Variants in SFI1 observed in about 807,000 individuals in gnomAD.
The protein encoded by SFI1 is SFI1 centrin binding protein, also known as protein SFI1 homolog.
In SFI1, 195 loss-of-function variants were observed where a neutral mutation model predicts 207.5. The observed-to-expected ratio is 0.94, with a 90% CI of 0.84 to 1.06. The LOEUF is 1.06. Among genes scored for constraint, SFI1 ranks in the 50% least tolerant of loss-of-function variants. SFI1 has a pLI of 0.00. For missense variants in SFI1, 1,634 were observed against 1,588.0 expected, an observed-to-expected ratio of 1.03 and a Z score of -0.49; for synonymous variants, 630 against 598.9, an observed-to-expected ratio of 1.05 and a Z score of -0.76.
Position 31,613,385 on chromosome 22 carries a change from A to G in SFI1, c.2597A>G (p.Glu866Gly), listed in dbSNP as rs764353388. The G allele has an allele frequency of 9.3e-6, 15 of 1,611,466 alleles. No individual in the cohort carries two copies. The highest frequency in any genetic ancestry group is 2.5e-6 in the Non-Finnish European group (3 of 1,179,538). Residue 866 changes from glutamate (E) to glycine (G), a missense_variant, in exon 26 of 33, where the codon GAA (glutamate) becomes GGA (glycine). By Grantham distance (98) the Glu-to-Gly change is moderately conservative. Coordinates refer to ENST00000400288, the MANE Select transcript of SFI1 (RefSeq NM_001007467.3). Reference protein sequence around the residue: ...VWATWLAFVLERRRKKARLQW... With the variant: ...VWATWLAFVLGRRRKKARLQW... ...GCCACGTGGCTGGCCTTTGTACTGGAAAGGAGGAGAAAGAAGGCGCGGCTG... is the reference window on the plus strand; with the variant it reads ...GCCACGTGGCTGGCCTTTGTACTGGGAAGGAGGAGAAAGAAGGCGCGGCTG...
At chr22:31,506,141 G>A (rs1177255099) in intron 1 of SFI1, among the ~76,000 whole-genome samples, 2 of 144,846 alleles carry the variant, frequency 1.4e-5, no homozygotes, top group Non-Finnish European at 1.5e-5. Context: ...CCTGCCTCAC[G>A]GGTTCAAGTG....
intron 4 of SFI1, among the ~76,000 whole-genome samples, chr22:31,535,259 G>A (rs1023127472): frequency 2.0e-5 from 3 of 148,436 alleles, no homozygotes; most frequent in African/African-American, 7.5e-5. Flanking sequence ...ACGCGATCTC[G>A]GCTCACTGTA....
intron 5 of SFI1, among the ~76,000 whole-genome samples, chr22:31,549,830 CTTTT>C (rs555982116): frequency 1.5e-5 from 2 of 136,304 alleles, no homozygotes; most frequent in East Asian, 4.3e-4. Context: ...GCAGATATGG[CTTTT>C]TTTTTTTTTT....
At chr22:31,500,974 A>G (rs2053665856) in intron 1 of SFI1, among the ~76,000 whole-genome samples, 3 of 144,516 alleles carry the variant, frequency 2.1e-5, no homozygotes, top group Admixed American at 1.4e-4. Flanking sequence ...TAATTTTTGT[A>G]TTTTTAGTAG....
intron 4 of SFI1, among the ~76,000 whole-genome samples, chr22:31,537,322 G>A (rs1164851326): frequency 6.6e-6 from 1 of 152,148 alleles, no homozygotes; most frequent in African/African-American, 2.4e-5. Context: ...TGCCTCATTG[G>A]CCAGAGCTTT....
At chr22:31,594,010 G>GGGC (rs1446565868) in intron 15 of SFI1, among the ~76,000 whole-genome samples, 1 of 145,756 alleles carries the variant, frequency 6.9e-6, no homozygotes, top group East Asian at 2.0e-4. Flanking sequence ...GAGGGACAGG[G>GGGC]AGAGGGAGAG....
At chr22:31,546,759 G>T (rs576434914) in intron 4 of SFI1, 102 bp from the exon 5 acceptor site, 6 of 654,722 alleles carry the variant, frequency 9.2e-6, no homozygotes, top group East Asian at 4.1e-5. Context: ...GAGCCACCAC[G>T]CCCGGCTGTA....
intron 2 of SFI1, among the ~76,000 whole-genome samples, chr22:31,518,375 C>T (rs1035881154): frequency 1.2e-4 from 19 of 152,210 alleles, no homozygotes; most frequent in Admixed American, 9.8e-4. Context: ...GTACTGAGTT[C>T]TCCATTTTGC....
chr22:31,617,826 C>A (rs1181013522), intron 31 of SFI1, among the ~76,000 whole-genome samples: 1 of 152,170 alleles, frequency 6.6e-6, no homozygotes, highest in Non-Finnish European at 1.5e-5. Context: ...GGGCAACAGA[C>A]TGGCGCCTCA....
At chr22:31,535,959 G>A (rs2058957439) in intron 4 of SFI1, among the ~76,000 whole-genome samples, 1 of 152,082 alleles carries the variant, frequency 6.6e-6, no homozygotes, top group Non-Finnish European at 1.5e-5. Flanking sequence ...TAATTTCATA[G>A]AACTCCTTCT....
intron 4 of SFI1, among the ~76,000 whole-genome samples, chr22:31,531,428 GA>G (rs1323464039): frequency 6.6e-6 from 1 of 151,672 alleles, no homozygotes; most frequent in African/African-American, 2.4e-5. Context: ...CAGCTTCAAA[GA>G]AAAAGAAAGA....
chr22:31,602,123 G>T, intron 15 of SFI1, 89 bp from the exon 16 acceptor site: 1 of 1,161,942 alleles, frequency 8.6e-7, no homozygotes. Flanking sequence ...GGTATAAAAG[G>T]AAAAATCCAA....
chr22:31,549,598 C>T lies in SFI1; in HGVS notation c.450-656C>T, dbSNP rs12167380. The stretch of plus-strand genomic sequence containing the variant: ...CAGGCTGGTCTCGAACTCCCAACCT[C>T]AGGTGGTCTGCCTGCCTCAGCCTCC... On this transcript the variant is annotated intron_variant, in intron 5 of 32. Coordinates refer to ENST00000400288, the MANE Select transcript of SFI1 (RefSeq NM_001007467.3). 7.0e-3 allele frequency among the ~76,000 whole-genome samples: 1,059 copies of T among 151,984 alleles called. 20 individuals are homozygous for T. The highest frequency in any genetic ancestry group is 0.023 in the African/African-American group (958 of 41,456).
chr22:31,559,519 T>C, intron 7 of SFI1: 3 of 548,912 alleles, frequency 5.5e-6, no homozygotes, highest in Non-Finnish European at 1.0e-5. Flanking sequence ...CCAGCGTATT[T>C]TGCGAATACT....
chr22:31,551,260 CA>C (rs1442196183), intron 6 of SFI1, among the ~76,000 whole-genome samples: 1 of 152,178 alleles, frequency 6.6e-6, no homozygotes, highest in African/African-American at 2.4e-5. Flanking sequence ...GTATGTCGTA[CA>C]AGGTCTTCAT....
chr22:31,528,641 G>T (rs1435805310), intron 2 of SFI1, 49 bp from the exon 3 acceptor site: 1 of 1,534,822 alleles, frequency 6.5e-7, no homozygotes, highest in Non-Finnish European at 9.0e-7. Context: ...TGCATCACAT[G>T]CAGAGATAAC....
At chr22:31,508,031 G>C (rs1375763870) in intron 1 of SFI1, among the ~76,000 whole-genome samples, 1 of 151,992 alleles carries the variant, frequency 6.6e-6, no homozygotes, top group Non-Finnish European at 1.5e-5. Flanking sequence ...AGCTGAGATC[G>C]TGCCACTGCA....
intron 8 of SFI1, among the ~76,000 whole-genome samples, chr22:31,570,231 A>T (rs2062812174): frequency 6.6e-6 from 1 of 152,224 alleles, no homozygotes; most frequent in African/African-American, 2.4e-5. Flanking sequence ...TTCCACAAAG[A>T]TGATAAGAAG....
intron 1 of SFI1, among the ~76,000 whole-genome samples, chr22:31,501,175 C>CT (rs773631022): frequency 0.017 from 2,307 of 138,948 alleles, 20 homozygotes; most frequent in Non-Finnish European, 0.024. Flanking sequence ...GTAGACATAA[C>CT]TTTTTTTTTT....
Sources: allele counts gnomAD v4.1 joint callset (sites outside exome capture counted in the v4.1 genomes callset), GRCh38; gene constraint gnomAD v4.1.1; transcripts MANE v1.5; gene names NCBI Gene and HGNC (gene_info 2026-07-23, HGNC 2026-07-21).